Variants in MGRN1 observed in about 807,000 individuals in gnomAD.
The protein encoded by MGRN1 is E3 ubiquitin-protein ligase MGRN1.
Under a neutral mutation model 69.2 loss-of-function variants are expected in MGRN1, and 29 were observed. The observed-to-expected ratio is 0.42, with a 90% CI of 0.31 to 0.57. The LOEUF is 0.57. MGRN1 is among the 20% of genes least tolerant of loss of function. The pLI is 0.15. For missense variants in MGRN1, 998 were observed against 796.2 expected (o/e 1.25, Z -3.05); for synonymous variants, 470 against 344.2 (o/e 1.37, Z -4.04).
In MGRN1 at chr16:4,646,086, CG is replaced by C. The variant is rs2078268173; in HGVS notation, c.89-4276del. Among the ~76,000 whole-genome samples, 4 of 151,736 alleles carry C rather than the reference CG, an allele frequency of 2.6e-5. No homozygotes were observed. In the South Asian group the frequency reaches 6.2e-4, roughly 24 times the overall value. ...GCACTTCCTACCTTACGGTGAGGGT[CG>C]GGATTGGGAGCGGCTCCGTCGGGGG... On this transcript the variant is annotated intron_variant, in intron 1 of 16. Transcript: ENST00000262370.
intron 10 of MGRN1, among the ~76,000 whole-genome samples, chr16:4,674,637 T>C (rs1323080449): frequency 8.6e-6 from 1 of 116,214 alleles, no homozygotes; most frequent in Non-Finnish European, 1.8e-5. Flanking sequence ...TTTTTTTTTT[T>C]TTTTTTTTTT....
chr16:4,642,989 T>G (rs1596269515), intron 1 of MGRN1, among the ~76,000 whole-genome samples: 3 of 151,896 alleles, frequency 2.0e-5, no homozygotes, highest in South Asian at 4.2e-4. Context: ...ACAGTCCCAC[T>G]CTGTCACCCA....
chr16:4,643,837 CAA>C (rs1567181574), intron 1 of MGRN1, among the ~76,000 whole-genome samples: 3 of 152,100 alleles, frequency 2.0e-5, no homozygotes, highest in Admixed American at 6.5e-5. Flanking sequence ...TTATCAATAA[CAA>C]GAAGAAATAC....
intron 12 of MGRN1, chr16:4,680,306 C>G: frequency 1.8e-6 from 1 of 550,614 alleles, no homozygotes; most frequent in South Asian, 2.2e-5. Flanking sequence ...GTGCGCTGGC[C>G]CCGCCGCCCT....
At chr16:4,643,476 TCTC>T (rs1231190235) in intron 1 of MGRN1, among the ~76,000 whole-genome samples, 2 of 150,180 alleles carry the variant, frequency 1.3e-5, no homozygotes, top group African/African-American at 2.5e-5. Flanking sequence ...TTCAAGGAAT[TCTC>T]CTGCCTCAGC....
At chr16:4,629,150 A>ATGTATGTGTG (rs1555445267) in intron 1 of MGRN1, among the ~76,000 whole-genome samples, 1 of 127,602 alleles carries the variant, frequency 7.8e-6, no homozygotes, top group East Asian at 2.3e-4. Flanking sequence ...TTCTGTTCGT[A>ATGTATGTGTG]TGTGTGTGTG....
Position 4,652,772 on chromosome 16 carries a change from G to A in MGRN1, c.391G>A (p.Ala131Thr), listed in dbSNP as rs1467047398. ...CACCTTCGACGCCGATGCCCGCGTG[G>A]CCATCACCATCTACTGCCAGGCATC... ...EFTFDADARV[A>T]ITIYCQASEE... Residue 131 changes from alanine to threonine, a missense_variant, in exon 4 of 17, where the codon GCC (alanine) becomes ACC (threonine). Transcript: ENST00000262370. 2 of 1,611,868 alleles carry A rather than the reference G, an allele frequency of 1.2e-6. No homozygotes were observed. Among genetic ancestry groups the A allele is most frequent in the Middle Eastern group, 1.7e-4 (1 of 6,050 alleles).
chr16:4,645,026 A>T (rs1487926312), intron 1 of MGRN1, among the ~76,000 whole-genome samples: 6 of 152,174 alleles, frequency 3.9e-5, no homozygotes, highest in Admixed American at 6.6e-5. Flanking sequence ...TAAAAAGATA[A>T]AGGAAAAAAT....
chr16:4,655,143 G>C (rs1037890111), intron 4 of MGRN1, among the ~76,000 whole-genome samples: 8 of 152,174 alleles, frequency 5.3e-5, no homozygotes, highest in African/African-American at 9.7e-5. Context: ...TGGCCGACAT[G>C]GTGGAGGAGC....
At chr16:4,667,990 G>T (rs964323610) in intron 7 of MGRN1, among the ~76,000 whole-genome samples, 1 of 152,116 alleles carries the variant, frequency 6.6e-6, no homozygotes, top group South Asian at 2.1e-4. Context: ...GAGACCAACC[G>T]AGGAGAGTTG....
chr16:4,638,427 T>TGCACTCCA (rs552576219), intron 1 of MGRN1, among the ~76,000 whole-genome samples: 30 of 151,624 alleles, frequency 2.0e-4, no homozygotes, highest in Non-Finnish European at 3.7e-4. Context: ...ATCGTACCAC[T>TGCACTCCA]GCACTCCAGC....
intron 5 of MGRN1, among the ~76,000 whole-genome samples, chr16:4,662,334 G>T (rs574492832): frequency 5.9e-5 from 9 of 152,142 alleles, no homozygotes; most frequent in Admixed American, 6.5e-5. Context: ...GGCCAACATG[G>T]TGAAACCCCG....
chr16:4,667,326 C>T (rs998057626), intron 7 of MGRN1, among the ~76,000 whole-genome samples: 8 of 152,326 alleles, frequency 5.3e-5, no homozygotes, highest in Non-Finnish European at 8.8e-5. Flanking sequence ...TGTCCTGTGG[C>T]GAGGCTGGGT....
At chr16:4,643,952 A>G (rs1321958182) in intron 1 of MGRN1, among the ~76,000 whole-genome samples, 1 of 151,556 alleles carries the variant, frequency 6.6e-6, no homozygotes, top group Non-Finnish European at 1.5e-5. Context: ...AAATGATTTC[A>G]GCCTCAATGC....
intron 1 of MGRN1, 31 bp from the exon 2 acceptor site, chr16:4,650,334 A>C: frequency 6.5e-7 from 1 of 1,535,686 alleles, no homozygotes; most frequent in African/African-American, 1.4e-5. Flanking sequence ...AAAAAAAAAA[A>C]ATCTATAATC....
chr16:4,635,228 A>G (rs1056115472), intron 1 of MGRN1, among the ~76,000 whole-genome samples: 2 of 151,984 alleles, frequency 1.3e-5, no homozygotes, highest in Non-Finnish European at 2.9e-5. Flanking sequence ...CCTGGCCAAC[A>G]TGGCAAAACC....
At chr16:4,662,459 C>T (rs111665197) in intron 5 of MGRN1, among the ~76,000 whole-genome samples, 5,266 of 151,014 alleles carry the variant, frequency 0.035, 142 homozygotes, top group African/African-American at 0.074. Context: ...GAGGTTGCAG[C>T]GAGCCGACAT....
chr16:4,650,279 G>C, intron 1 of MGRN1, 86 bp from the exon 2 acceptor site: 1 of 1,058,302 alleles, frequency 9.4e-7, no homozygotes, highest in Non-Finnish European at 1.4e-6. Flanking sequence ...CTCCAGCCTG[G>C]GTGGAGCGCC....
intron 16 of MGRN1, chr16:4,687,453 G>T (rs967498703): frequency 3.2e-6 from 3 of 934,838 alleles, no homozygotes; most frequent in Non-Finnish European, 3.8e-6. Flanking sequence ...TGCTGAGGTG[G>T]GAGGATTGCC....
Sources: allele counts gnomAD v4.1 joint callset (sites outside exome capture counted in the v4.1 genomes callset), GRCh38; gene constraint gnomAD v4.1.1; transcripts MANE v1.5; gene names NCBI Gene and HGNC (gene_info 2026-07-23, HGNC 2026-07-21).